Variants in MYO1F observed in about 807,000 individuals in gnomAD.
MYO1F encodes the protein myosin IF, also known as unconventional myosin-If.
MYO1F carries 60 observed loss-of-function variants against 146.6 expected under a neutral mutation model. The observed-to-expected ratio is 0.41, with a 90% CI of 0.33 to 0.51. MYO1F has a LOEUF of 0.51. Ranked by LOEUF, MYO1F falls within the 20% of genes least tolerant of loss-of-function variation. The pLI, the probability that MYO1F is intolerant of heterozygous loss-of-function variation, is 0.25. For missense variants in MYO1F, 1,274 were observed against 1,534.3 expected, an observed-to-expected ratio of 0.83 and a Z score of 2.83; for synonymous variants, 602 against 602.1, an observed-to-expected ratio of 1.00 and a Z score of 0.00.
chr19:8,542,025 T>C, intron 14 of MYO1F, 34 bp from the exon 15 acceptor site: 1 of 1,577,142 alleles, frequency 6.3e-7, no homozygotes, highest in Non-Finnish European at 8.7e-7. Context: ...AGTGAGGGAC[T>C]GAGAAACCTG....
intron 1 of MYO1F, among the ~76,000 whole-genome samples, chr19:8,568,161 C>T (rs976263394): frequency 6.6e-6 from 1 of 152,136 alleles, no homozygotes; most frequent in East Asian, 1.9e-4. Flanking sequence ...CGGTGGCTCA[C>T]ACCTGTGATC....
Position 8,522,731 on chromosome 19 carries a change from G to A in MYO1F, c.2953C>T (p.Pro985Ser). Residue 985 changes from proline to serine, a missense_variant, in exon 26 of 28, where the codon CCG (proline) becomes TCG (serine). Pro to Ser is a moderately conservative substitution (Grantham distance 74). This residue lies in a region of MYO1F where 374 missense variants were observed against 379.2 expected (regional missense o/e 0.99). Coordinates refer to ENST00000644032, the MANE Select transcript of MYO1F (RefSeq NM_012335.4). ...GGTHRPPRGP[P>S]STSLGASRRP... Reference sequence around the variant, plus strand: ...CTGCTGGCTCCCAGGGATGTGGACGGAGGGCCCCGGGGAGGCCTGTGGGTG... The same window carrying A: ...CTGCTGGCTCCCAGGGATGTGGACGAAGGGCCCCGGGGAGGCCTGTGGGTG... The A allele has an allele frequency of 6.2e-7, 1 of 1,613,208 alleles. No individual in the cohort carries two copies. The highest frequency in any genetic ancestry group is 8.5e-7 in the Non-Finnish European group (1 of 1,179,862).
At chr19:8,567,707 C>G (rs1386081361) in intron 1 of MYO1F, among the ~76,000 whole-genome samples, 1 of 152,212 alleles carries the variant, frequency 6.6e-6, no homozygotes, top group Non-Finnish European at 1.5e-5. Flanking sequence ...GTTAAGTGTC[C>G]TCTTCAAGGA....
intron 15 of MYO1F, chr19:8,541,655 T>C (rs1233727382): frequency 5.8e-6 from 3 of 514,042 alleles, no homozygotes; most frequent in African/African-American, 3.9e-5. Flanking sequence ...TCTCAAACTC[T>C]TGGCCTCAAG....
Position 8,530,289 on chromosome 19 carries a change from C to T in MYO1F, c.2235G>A (p.Gly745=), listed in dbSNP as rs1301644714. ...GACGCAGCTCGGGCCGCTCCTCCAG[C>T]CCCAGGTAGTCCCCGACGAAGTTCC... is the stretch of plus-strand genomic sequence containing the variant. The part of the protein sequence containing the change: ...INRNFVGDYL[G]LEERPELRQF... Residue 745 remains glycine, a synonymous_variant, in exon 21 of 28, where the codon GGG becomes GGA. Transcript: ENST00000644032. This position sits in a 1 kb window ranked among gnomAD's most constrained non-coding sequence, Gnocchi z 5.8. 2.5e-6 allele frequency: 4 copies of T among 1,614,000 alleles called. No homozygotes were observed. Among genetic ancestry groups the T allele is most frequent in the Non-Finnish European group, 3.4e-6 (4 of 1,180,028 alleles).
rs2967776 is a variant in MYO1F at position 8,545,429 on chromosome 19, A to G, written c.1356+221T>C. The G allele has an allele frequency of 0.14, 81,700 of 573,912 alleles. 7,173 individuals carry two copies. The highest frequency in any genetic ancestry group is 0.33 in the African/African-American group (17,376 of 53,278). The allele number at this position is 573,912 out of a possible 1,614,324, so 35.6% of individuals were successfully genotyped here. On this transcript the variant is annotated intron_variant, in intron 13 of 27. Coordinates refer to ENST00000644032, the MANE Select transcript of MYO1F (RefSeq NM_012335.4). ...TAACTGTGAGCTGGGGTTCCCGGGG[A>G]AATGTTTATTGAATGATTAAGTGAA...
At chr19:8,573,321 GAA>G (rs2042145802) in intron 1 of MYO1F, among the ~76,000 whole-genome samples, 1 of 150,246 alleles carries the variant, frequency 6.7e-6, no homozygotes, top group African/African-American at 2.5e-5. Context: ...AAAAAAAAAA[GAA>G]GAGACAATCA....
At chr19:8,563,627 G>A (rs2041947188) in intron 1 of MYO1F, among the ~76,000 whole-genome samples, 1 of 151,756 alleles carries the variant, frequency 6.6e-6, no homozygotes, top group African/African-American at 2.4e-5. Flanking sequence ...TCCTGCCTCA[G>A]CCTCCCTAGT....
At position 8,545,718 on chromosome 19, in the gene MYO1F, C is replaced by T. The variant is rs759178982; in HGVS notation, c.1288G>A (p.Gly430Ser). 20 of 1,613,946 alleles carry T rather than the reference C, an allele frequency of 1.2e-5. No homozygotes were observed. The highest frequency in any genetic ancestry group is 1.4e-5 in the Non-Finnish European group (17 of 1,179,956). Residue 430 changes from glycine to serine, a missense_variant, in exon 13 of 28, where the codon GGC becomes AGC. Physicochemically the swap from Gly to Ser is moderately conservative, Grantham distance 56 (BLOSUM62 0). This residue lies in a region of MYO1F where 900 missense variants were observed against 1,155.1 expected (regional missense o/e 0.78). Transcript: ENST00000644032. ...KAEQEEYVQE[G>S]IRWTPIQYFN... ...TACTGGATTGGAGTCCAGCGGATGC[C>T]TTCCTGCACATACTCCTCCTGGGGT...
chr19:8,554,877 C>T (rs897467462), intron 2 of MYO1F, 134 bp from the exon 3 acceptor site: 31 of 870,472 alleles, frequency 3.6e-5, no homozygotes, highest in East Asian at 5.3e-5. Flanking sequence ...GGATGCACCT[C>T]GAGTCTCTTG....
chr19:8,569,700 G>A (rs993988873), intron 1 of MYO1F, among the ~76,000 whole-genome samples: 5 of 152,086 alleles, frequency 3.3e-5, no homozygotes, highest in Admixed American at 6.6e-5. Flanking sequence ...TAGAAGGCAC[G>A]TCTTGCAACA....
In MYO1F at chr19:8,527,374, T is replaced by A. The variant is rs368793623; in HGVS notation, c.2438A>T (p.Lys813Ile). ...TCCCCGCAGAGCCTGGATGTCCACTTTCTTCTTCAAGACTTCACACACCTG... is the reference window on the plus strand; with the variant it reads ...TCCCCGCAGAGCCTGGATGTCCACTATCTTCTTCAAGACTTCACACACCTG... ...KGQVCEVLKK[K>I]VDIQALRGVS... The change falls in exon 22 of 28, where the codon AAA (lysine) becomes ATA (isoleucine). Residue 813 changes from lysine to isoleucine, a missense_variant. Coordinates refer to ENST00000644032, the MANE Select transcript of MYO1F (RefSeq NM_012335.4). 14 of 1,613,992 alleles carry A rather than the reference T, an allele frequency of 8.7e-6. No homozygotes were observed. In the African/African-American group the frequency reaches 1.9e-4, roughly 22 times the overall value.
At chr19:8,543,485 A>C in intron 14 of MYO1F, among the ~76,000 whole-genome samples, 1 of 151,892 alleles carries the variant, frequency 6.6e-6, no homozygotes. Context: ...GTTATGACTC[A>C]CATTGGGGCT....
chr19:8,545,680 C>T lies in MYO1F; in HGVS notation c.1326G>A (p.Lys442=), dbSNP rs200746623. The change falls in exon 13 of 28, where the codon AAG becomes AAA. Residue 442 remains lysine, a synonymous_variant. Transcript: ENST00000644032. The stretch of plus-strand genomic sequence containing the variant: ...TGTTTTCGATGAGGTCACAGACGAC[C>T]TTGTTGTTGAAGTACTGGATTGGAG... ...RWTPIQYFNN[K]VVCDLIENKL... is the part of the protein sequence containing the mutation. The T allele has an allele frequency of 1.3e-4, 206 of 1,614,090 alleles. No individual in the cohort carries two copies. The East Asian group carries it at 3.3e-3, about 26-fold the overall frequency.
At chr19:8,563,777 G>A (rs886073471) in intron 1 of MYO1F, among the ~76,000 whole-genome samples, 1 of 151,986 alleles carries the variant, frequency 6.6e-6, no homozygotes, top group Admixed American at 6.6e-5. Context: ...CTCCCAAAGT[G>A]CTGGGATTAC....
chr19:8,525,820 C>T (rs554639650), intron 24 of MYO1F, among the ~76,000 whole-genome samples: 1 of 152,152 alleles, frequency 6.6e-6, no homozygotes, highest in Non-Finnish European at 1.5e-5. Context: ...CCAGGGTTGC[C>T]GCTCTGGCCG....
At position 8,544,448 on chromosome 19, in the gene MYO1F, A is replaced by C. The variant is rs754747911; in HGVS notation, c.1373T>G (p.Met458Arg). The C allele has an allele frequency of 6.2e-7, 1 of 1,610,920 alleles. No homozygotes were observed. The highest frequency in any genetic ancestry group is 2.2e-5 in the East Asian group (1 of 44,842). Residue 458 changes from methionine (M) to arginine (R), a missense_variant, in exon 14 of 28, where the codon ATG becomes AGG. Physicochemically the swap from Met to Arg is moderately conservative, Grantham distance 91. This residue lies in a region of MYO1F where 900 missense variants were observed against 1,155.1 expected (regional missense o/e 0.78). Coordinates refer to ENST00000644032, the MANE Select transcript of MYO1F (RefSeq NM_012335.4). ...IENKLSPPGI[M>R]SVLDDVCATM... is the part of the protein sequence containing the mutation. Reference sequence around the variant, plus strand: ...GGCGCACACGTCGTCCAAGACGCTCATGATGCCTGGGGGGCTCTGCGGGGC... The same window carrying C: ...GGCGCACACGTCGTCCAAGACGCTCCTGATGCCTGGGGGGCTCTGCGGGGC...
intron 14 of MYO1F, among the ~76,000 whole-genome samples, chr19:8,542,442 G>T (rs1973020091): frequency 6.6e-6 from 1 of 151,334 alleles, no homozygotes; most frequent in Non-Finnish European, 1.5e-5. Context: ...TGTGTCAGGA[G>T]GGTAACAGCC....
chr19:8,571,018 A>G (rs1555731728), intron 1 of MYO1F, among the ~76,000 whole-genome samples: 1 of 152,216 alleles, frequency 6.6e-6, no homozygotes, highest in Non-Finnish European at 1.5e-5. Context: ...GTCCCCATCA[A>G]TGGTGGCCAT....
Sources: allele counts gnomAD v4.1 joint callset (sites outside exome capture counted in the v4.1 genomes callset), GRCh38; gene constraint gnomAD v4.1.1; regional missense constraint gnomAD v4.1.1; non-coding constraint Gnocchi (gnomAD v3.1); transcripts MANE v1.5; gene names NCBI Gene and HGNC (gene_info 2026-07-23, HGNC 2026-07-21).